ROCK2: variants seen among roughly 807,000 people sequenced by gnomAD.
The protein encoded by ROCK2 is rho-associated protein kinase 2.
Under a neutral mutation model 195.1 loss-of-function variants are expected in ROCK2, and 61 were observed. The ratio of observed to expected loss-of-function variants is 0.31; its 90% CI spans 0.25 to 0.39. The LOEUF is 0.39. Among genes scored for constraint, ROCK2 ranks in the 10% least tolerant of loss-of-function variants. The pLI is 1.00. For synonymous variants in ROCK2, 504 were observed against 545.5 expected (o/e 0.92, Z 1.06); for missense variants, 1,109 against 1,637.4 (o/e 0.68, Z 5.57).
chr2:11,260,901 A>G (rs1331819516), intron 3 of ROCK2, among the ~76,000 whole-genome samples: 1 of 152,236 alleles, frequency 6.6e-6, no homozygotes, highest in Non-Finnish European at 1.5e-5. Flanking sequence ...TCTTCATGCA[A>G]AAATGCTCCC....
At chr2:11,294,540 C>T (rs1347248449) in intron 1 of ROCK2, among the ~76,000 whole-genome samples, 5 of 152,150 alleles carry the variant, frequency 3.3e-5, no homozygotes, top group Admixed American at 6.5e-5. Flanking sequence ...TTTCCCAGAA[C>T]TGCACAGCTT....
chr2:11,262,533 T>C (rs954174569), intron 3 of ROCK2, among the ~76,000 whole-genome samples: 6 of 152,190 alleles, frequency 3.9e-5, no homozygotes, highest in Admixed American at 1.3e-4. Flanking sequence ...AGGTCTTTCC[T>C]GTGCTGTTCT....
chr2:11,276,681 A>G (rs1453661487), intron 3 of ROCK2, among the ~76,000 whole-genome samples: 1 of 152,166 alleles, frequency 6.6e-6, no homozygotes, highest in Non-Finnish European at 1.5e-5. Flanking sequence ...TAAAACAAAA[A>G]CTGTTATTTT....
intron 18 of ROCK2, among the ~76,000 whole-genome samples, chr2:11,209,615 T>C (rs1352547856): frequency 6.6e-6 from 1 of 152,222 alleles, no homozygotes; most frequent in Non-Finnish European, 1.5e-5. Context: ...ATTTTACTTA[T>C]CAGAAGGCAA....
At chr2:11,217,288 GGTACAGTATT>G (rs758398558) in intron 11 of ROCK2, 119 bp from the exon 12 acceptor site, 2 of 739,720 alleles carry the variant, frequency 2.7e-6, no homozygotes, top group Non-Finnish European at 5.0e-6. Context: ...CCTCTATAAT[GGTACAGTATT>G]TGTACCTCCT....
At chr2:11,212,382 T>G (rs1049919546) in intron 17 of ROCK2, among the ~76,000 whole-genome samples, 1 of 152,184 alleles carries the variant, frequency 6.6e-6, no homozygotes, top group African/African-American at 2.4e-5. Context: ...TCAAGCTCAC[T>G]TAATCTCAAC....
chr2:11,223,633 A>G (rs1433544218), intron 7 of ROCK2, among the ~76,000 whole-genome samples: 1 of 152,174 alleles, frequency 6.6e-6, no homozygotes, highest in Non-Finnish European at 1.5e-5. Flanking sequence ...TTTCCCCAAG[A>G]TCATAAAGCT....
At chr2:11,296,005 G>GGGGAGAGGGA (rs766082679) in intron 1 of ROCK2, among the ~76,000 whole-genome samples, 1 of 10,334 alleles carries the variant, frequency 9.7e-5, no homozygotes, top group African/African-American at 2.0e-4. Context: ...GAGAGAGAGA[G>GGGGAGAGGGA]GAGAGAGAGA....
chr2:11,198,685 T>C lies in ROCK2; in HGVS notation c.3000A>G (p.Gln1000=). The change falls in exon 24 of 33, where the codon CAA becomes CAG. Residue 1000 remains glutamine, a synonymous_variant. Coordinates refer to ENST00000315872, the MANE Select transcript of ROCK2 (RefSeq NM_004850.5). ...ACATTTTTTGTTAATACATACGCTCTTGAACATCTTTCAATTTGTTATTTA... is the reference window on the plus strand; with the variant it reads ...ACATTTTTTGTTAATACATACGCTCCTGAACATCTTTCAATTTGTTATTTA... ...EELNNKLKDV[Q]EQLSRLKDEE... The C allele has an allele frequency of 6.2e-7, 1 of 1,602,890 alleles. No individual in the cohort carries two copies. The highest frequency in any genetic ancestry group is 8.5e-7 in the Non-Finnish European group (1 of 1,171,852).
At chr2:11,258,579 T>A (rs768155875) in intron 3 of ROCK2, among the ~76,000 whole-genome samples, 14 of 151,326 alleles carry the variant, frequency 9.3e-5, no homozygotes, top group Non-Finnish European at 1.6e-4. Flanking sequence ...AGAGAGCCTA[T>A]GGAGTTCAGT....
At chr2:11,278,715 C>T (rs529625617) in intron 3 of ROCK2, among the ~76,000 whole-genome samples, 25 of 152,102 alleles carry the variant, frequency 1.6e-4, no homozygotes, top group Non-Finnish European at 3.1e-4. Context: ...TGGGTTCAAG[C>T]GATTCTCCCA....
chr2:11,309,485 G>A (rs1572391473), intron 1 of ROCK2, among the ~76,000 whole-genome samples: 1 of 152,076 alleles, frequency 6.6e-6, no homozygotes, highest in Admixed American at 6.5e-5. Flanking sequence ...AACCTAACTG[G>A]TTCTTTGATA....
intron 3 of ROCK2, among the ~76,000 whole-genome samples, chr2:11,280,134 T>C (rs1666949337): frequency 6.6e-6 from 1 of 151,796 alleles, no homozygotes; most frequent in East Asian, 1.9e-4. Flanking sequence ...AGAAAATAAA[T>C]AATAAAAATT....
At chr2:11,229,571 A>AT (rs1664929734) in intron 5 of ROCK2, among the ~76,000 whole-genome samples, 1 of 152,100 alleles carries the variant, frequency 6.6e-6, no homozygotes, top group South Asian at 2.1e-4. Flanking sequence ...TCCAAAAAAA[A>AT]AAATAAACAT....
In ROCK2 at chr2:11,344,468, G is replaced by C. The variant is rs1264277288; in HGVS notation, c.-332C>G. 3 of 1,004,336 alleles carry C rather than the reference G, an allele frequency of 3.0e-6. No individual in the cohort carries two copies. The highest frequency in any genetic ancestry group is 2.4e-6 in the Non-Finnish European group (2 of 843,060). The allele number at this position is 1,004,336 out of a possible 1,614,324, so 62.2% of individuals were successfully genotyped here. ...CCTCGGGCGGGAGCAGGGAAGTGGC[G>C]CCGCCACCGCCGCGGCCCGGACCGC... On this transcript the variant is annotated 5_prime_UTR_variant, in exon 1 of 33. Transcript: ENST00000315872. The surrounding 1 kb of genome is among the most constrained non-coding windows in gnomAD (Gnocchi z 5.4).
intron 3 of ROCK2, among the ~76,000 whole-genome samples, chr2:11,264,925 A>T (rs894529551): frequency 6.6e-6 from 1 of 152,194 alleles, no homozygotes; most frequent in Non-Finnish European, 1.5e-5. Flanking sequence ...TTGACATGGA[A>T]AGATGGTTAT....
In ROCK2 at chr2:11,242,394, T is replaced by A. The variant is rs114429039; in HGVS notation, c.463-6432A>T. The stretch of plus-strand genomic sequence containing the variant: ...GTCAGAAGTCAAGCCGCACAGAGGG[T>A]ATCAGAGCTCAGAAAGGGAAGGAGG... On this transcript the variant is annotated intron_variant, in intron 4 of 32. Coordinates refer to ENST00000315872, the MANE Select transcript of ROCK2 (RefSeq NM_004850.5). Among the ~76,000 whole-genome samples the A allele has an allele frequency of 3.2e-3, 493 of 151,934 alleles. 2 individuals are homozygous for A. The highest frequency in any genetic ancestry group is 0.011 in the African/African-American group (441 of 41,434).
intron 1 of ROCK2, among the ~76,000 whole-genome samples, chr2:11,330,754 G>C (rs1572416937): frequency 9.2e-6 from 1 of 108,220 alleles, no homozygotes; most frequent in Non-Finnish European, 2.0e-5. Flanking sequence ...GGAGGGAGGA[G>C]GAGGAGGGAG....
In ROCK2 at chr2:11,185,350, T is replaced by C. The variant is rs146752973; in HGVS notation, c.4164-1910A>G. On this transcript the variant is annotated intron_variant, in intron 32 of 32. Coordinates refer to ENST00000315872, the MANE Select transcript of ROCK2 (RefSeq NM_004850.5). ...GCATTAGCAAGTCATCTTGGCTAAATTGGACTTAGAGTTGGGATATATGTG... is the reference window on the plus strand; with the variant it reads ...GCATTAGCAAGTCATCTTGGCTAAACTGGACTTAGAGTTGGGATATATGTG... Among the ~76,000 whole-genome samples the C allele has an allele frequency of 5.3e-5, 8 of 152,352 alleles. No homozygotes were observed. The East Asian group carries it at 1.5e-3, about 29-fold the overall frequency.
Sources: gnomAD v4.1 joint callset for allele counts (sites outside exome capture counted in the v4.1 genomes callset) on GRCh38, gnomAD v4.1.1 for gene constraint, Gnocchi (gnomAD v3.1) non-coding constraint, MANE v1.5 for transcripts, NCBI Gene and HGNC (gene_info 2026-07-23, HGNC 2026-07-21) for gene names.